CEP131: variants seen among roughly 807,000 people sequenced by gnomAD.
CEP131 encodes centrosomal protein 131.
CEP131 carries 99 observed loss-of-function variants against 136.8 expected under a neutral mutation model. That is an observed-to-expected ratio of 0.72 (90% CI 0.62 to 0.86). CEP131 has a LOEUF of 0.86. Among genes scored for constraint, CEP131 ranks in the 40% least tolerant of loss-of-function variants. The pLI is 0.00. For missense variants in CEP131, 1,459 were observed against 1,463.0 expected (o/e 1.00, Z 0.04); for synonymous variants, 646 against 612.7 (o/e 1.05, Z -0.80).
At chr17:81,193,673 G>A (rs916002467) in intron 18 of CEP131, among the ~76,000 whole-genome samples, 27 of 152,164 alleles carry the variant, frequency 1.8e-4, no homozygotes, top group African/African-American at 6.5e-4. Context: ...CCTGACCCTG[G>A]GAAAACACCC....
In CEP131 at chr17:81,189,926, T is replaced by C. The variant is rs1156415136; in HGVS notation, c.3157A>G (p.Thr1053Ala). 1.2e-6 allele frequency: 2 copies of C among 1,612,320 alleles called. No individual in the cohort carries two copies. The highest frequency in any genetic ancestry group is 3.3e-5 in the Admixed American group (2 of 60,000). Reference sequence around the variant, plus strand: ...CCACAGGGACTCACCTCATGTTGTGTCCGGAGGCTGCTCACGGCCTCCTCC... The same window carrying C: ...CCACAGGGACTCACCTCATGTTGTGCCCGGAGGCTGCTCACGGCCTCCTCC... The part of the protein sequence containing the change: ...RKEEAVSSLR[T>A]QHEAAVKRAD... The change falls in exon 25 of 26, where the codon ACA (threonine) becomes GCA (alanine). Residue 1053 changes from threonine (T) to alanine (A), a missense_variant. By Grantham distance (58) the Thr-to-Ala change is moderately conservative. This residue lies in a region of CEP131 where 1,026 missense variants were observed against 964.2 expected (regional missense o/e 1.06). Transcript: ENST00000450824.
intron 8 of CEP131, 196 bp downstream of exon 8, chr17:81,200,133 C>T: frequency 3.3e-6 from 2 of 614,274 alleles, no homozygotes; most frequent in East Asian, 2.8e-5. Context: ...TCCTGACACC[C>T]AGGCCCTGAG....
chr17:81,221,596 C>T (rs375067954), intron 1 of CEP131, among the ~76,000 whole-genome samples: 8 of 152,320 alleles, frequency 5.3e-5, no homozygotes, highest in South Asian at 2.1e-4. Context: ...AGCTTGGCCC[C>T]GGCCAGTCCC....
intron 3 of CEP131, among the ~76,000 whole-genome samples, chr17:81,207,867 T>C (rs2062040721): frequency 8.7e-4 from 1 of 1,150 alleles, no homozygotes; most frequent in Admixed American, 8.9e-3. Flanking sequence ...TGGCTGAGGG[T>C]GGTGACACAC....
intron 1 of CEP131, among the ~76,000 whole-genome samples, chr17:81,222,098 T>C (rs2062401003): frequency 6.6e-6 from 1 of 152,220 alleles, no homozygotes; most frequent in Non-Finnish European, 1.5e-5. Context: ...ATGCAAGCCC[T>C]TGGAGCCCAG....
At chr17:81,217,801 T>C (rs1369680827) in intron 2 of CEP131, among the ~76,000 whole-genome samples, 1 of 152,154 alleles carries the variant, frequency 6.6e-6, no homozygotes, top group South Asian at 2.1e-4. Context: ...GGGATCGATA[T>C]GAGTAGCGCT....
Position 81,192,482 on chromosome 17 carries a change from C to T in CEP131, c.2541G>A (p.Arg847=), listed in dbSNP as rs747339838. 1.9e-6 allele frequency: 3 copies of T among 1,611,888 alleles called. No homozygotes were observed. In the South Asian group the frequency reaches 3.3e-5, roughly 18 times the overall value. The change falls in exon 20 of 26, where the codon CGG becomes CGA. Residue 847 remains arginine, a synonymous_variant. Coordinates refer to ENST00000450824, the MANE Select transcript of CEP131 (RefSeq NM_014984.4). ...FEKGREEQER[R]HQMELNTLKQ... is the part of the protein sequence containing the mutation. ...CAGCCCTCCGGTGGTAGACCTGGTG[C>T]CGGCGCTCCTGCTCCTCCCTGCCCT...
intron 2 of CEP131, among the ~76,000 whole-genome samples, chr17:81,214,181 T>G (rs529602632): frequency 6.6e-6 from 1 of 152,272 alleles, no homozygotes; most frequent in African/African-American, 2.4e-5. Context: ...TAGCAGAGAC[T>G]GGGTGCGGTA....
chr17:81,202,541 A>G, intron 6 of CEP131, 143 bp from the exon 7 acceptor site: 5 of 965,166 alleles, frequency 5.2e-6, no homozygotes, highest in South Asian at 1.7e-5. Flanking sequence ...AGAGGGGGAC[A>G]GCGGCAGGTG....
At position 81,189,724 on chromosome 17, in the gene CEP131, T is replaced by C. The variant is rs966458561; in HGVS notation, c.*45A>G. 6.5e-7 allele frequency: 1 copy of C among 1,542,914 alleles called. No individual in the cohort carries two copies. Among genetic ancestry groups the C allele is most frequent in the Admixed American group, 1.8e-5 (1 of 54,224 alleles). On this transcript the variant is annotated 3_prime_UTR_variant, in exon 26 of 26. Transcript: ENST00000450824. ...GGCCTCTGGGCCCACGTCCAGCCTC[T>C]GTCCTCTGCCTTCCGTTCTTCGACA... is the stretch of plus-strand genomic sequence containing the variant.
intron 24 of CEP131, 109 bp from the exon 25 acceptor site, chr17:81,190,084 C>A (rs563528864): frequency 2.6e-5 from 26 of 1,003,528 alleles, no homozygotes; most frequent in East Asian, 2.5e-4. Flanking sequence ...CTGGTCCCAG[C>A]CCTGCTGACC....
Position 81,203,878 on chromosome 17 carries a change from G to C in CEP131, c.516-271C>G. The C allele has an allele frequency of 2.3e-6, 1 of 440,812 alleles. No individual in the cohort carries two copies. The highest frequency in any genetic ancestry group is 3.0e-5 in the South Asian group (1 of 33,500). 27.3% of individuals were successfully genotyped at this position (440,812 alleles called of 1,614,324 possible). ...GAACGCTGGACGTGCCCAAGACGGG[G>C]GGAGCAGCTCAGGCCAGCAGCTCAC... On this transcript the variant is annotated intron_variant, in intron 5 of 25. Coordinates refer to ENST00000450824, the MANE Select transcript of CEP131 (RefSeq NM_014984.4). The surrounding 1 kb of genome is among the most constrained non-coding windows in gnomAD (Gnocchi z 4.6).
intron 5 of CEP131, among the ~76,000 whole-genome samples, chr17:81,205,332 G>A (rs1337987075): frequency 7.0e-6 from 1 of 142,654 alleles, no homozygotes; most frequent in Non-Finnish European, 1.5e-5. Context: ...AGGGGCAGGC[G>A]CCAGGGGTAG....
chr17:81,193,907 G>A lies in CEP131; in HGVS notation c.2321+19C>T. 6.5e-7 allele frequency: 1 copy of A among 1,531,906 alleles called. No individual in the cohort carries two copies. The highest frequency in any genetic ancestry group is 8.8e-7 in the Non-Finnish European group (1 of 1,142,616). The allele number at this position is 1,531,906 out of a possible 1,614,324, so 94.9% of individuals were successfully genotyped here. The stretch of plus-strand genomic sequence containing the variant: ...CGCCCTGAGGGTCCTGGCCCCACCG[G>A]CCTGGGGCCACCACCCACCGCTGCC... On this transcript the variant is annotated intron_variant, in intron 18 of 25. Transcript: ENST00000450824.
In CEP131 at chr17:81,197,069, C is replaced by T. The variant is rs559705004; in HGVS notation, c.1648-14G>A. Reference sequence around the variant, plus strand: ...CGGCACCCACCCCTGCAGACACAGCCGAGCGTCAGGCGGAAGCGGCAGAGG... The same window carrying T: ...CGGCACCCACCCCTGCAGACACAGCTGAGCGTCAGGCGGAAGCGGCAGAGG... On this transcript the variant is annotated splice_polypyrimidine_tract_variant and intron_variant, in intron 13 of 25. Transcript: ENST00000450824. The T allele has an allele frequency of 1.2e-4, 187 of 1,579,886 alleles. 4 individuals are homozygous for T. In the East Asian group the frequency reaches 3.9e-3, roughly 33 times the overall value.
At chr17:81,193,809 T>C (rs960243367) in intron 18 of CEP131, 117 bp downstream of exon 18, 32 of 1,181,358 alleles carry the variant, frequency 2.7e-5, no homozygotes, top group Non-Finnish European at 3.6e-5. Context: ...GCGTCCTCCC[T>C]GCATGCTGCA....
In CEP131 at chr17:81,197,885, C is replaced by T; in HGVS notation, c.1474G>A (p.Asp492Asn). Residue 492 changes from aspartate (D) to asparagine (N), a missense_variant, in exon 13 of 26, where the codon GAT (aspartate) becomes AAT (asparagine). This residue lies in a region of CEP131 where 1,026 missense variants were observed against 964.2 expected (regional missense o/e 1.06). Transcript: ENST00000450824. Reference protein sequence around the residue: ...RGRYAWASEEDDASSLTADNL... With the variant: ...RGRYAWASEENDASSLTADNL... ...TCAGCTGTCAGAGAGCTGGCGTCAT[C>T]CTCCTGTGGGACAGGAGCCCAGCAT... The T allele has an allele frequency of 6.2e-7, 1 of 1,611,856 alleles. No homozygotes were observed. The highest frequency in any genetic ancestry group is 1.3e-5 in the African/African-American group (1 of 75,062).
chr17:81,221,584 C>T (rs2062389728), intron 1 of CEP131, among the ~76,000 whole-genome samples: 1 of 152,214 alleles, frequency 6.6e-6, no homozygotes, highest in Non-Finnish European at 1.5e-5. Context: ...TCAAACTCAG[C>T]CAGCTTGGCC....
chr17:81,221,970 C>A (rs997334313), intron 1 of CEP131, among the ~76,000 whole-genome samples: 3 of 152,206 alleles, frequency 2.0e-5, no homozygotes, highest in African/African-American at 7.2e-5. Context: ...TACCCCTACT[C>A]CCTAGAGGCT....
Sources: gnomAD v4.1 joint callset for allele counts (sites outside exome capture counted in the v4.1 genomes callset) on GRCh38, gnomAD v4.1.1 for gene constraint, gnomAD v4.1.1 regional missense constraint, Gnocchi (gnomAD v3.1) non-coding constraint, MANE v1.5 for transcripts, NCBI Gene and HGNC (gene_info 2026-07-23, HGNC 2026-07-21) for gene names.